Variants in AGMO observed in about 807,000 individuals in gnomAD.
AGMO encodes the protein alkylglycerol monooxygenase.
A neutral mutation model predicts 60.2 loss-of-function variants in AGMO; 75 were observed. The observed-to-expected ratio is 1.25, with a 90% CI of 1.03 to 1.51. The LOEUF (loss-of-function observed/expected upper bound fraction) is 1.51. Ranked by LOEUF, AGMO falls within the 40% of genes most tolerant of loss-of-function variation. The probability of loss-of-function intolerance (pLI) is 0.00; values close to 1 mark genes in which losing one functional copy is unlikely to be tolerated. For missense variants in AGMO, 763 were observed against 525.5 expected, an observed-to-expected ratio of 1.45 and a Z score of -4.42; for synonymous variants, 261 against 177.1, an observed-to-expected ratio of 1.47 and a Z score of -3.76.
chr7:15,367,381 G>A (rs1323059095), intron 10 of AGMO, among the ~76,000 whole-genome samples: 2 of 151,796 alleles, frequency 1.3e-5, no homozygotes, highest in Non-Finnish European at 2.9e-5. Flanking sequence ...CAGCTTCTAT[G>A]GCATGTGTTT....
chr7:15,313,873 T>A lies in AGMO; in HGVS notation c.1263+51641A>T, dbSNP rs192934588. 4.6e-5 allele frequency among the ~76,000 whole-genome samples: 7 copies of A among 151,624 alleles called. No homozygotes were observed. The East Asian group carries it at 1.4e-3, about 29-fold the overall frequency. Reference sequence around the variant, plus strand: ...TAATAAAAGTTATGCAGATGGGGTCTCTCTCTCTCTCTCAAAATACCTTGC... The same window carrying A: ...TAATAAAAGTTATGCAGATGGGGTCACTCTCTCTCTCTCAAAATACCTTGC... On this transcript the variant is annotated intron_variant, in intron 12 of 12. Coordinates refer to ENST00000342526, the MANE Select transcript of AGMO (RefSeq NM_001004320.2).
intron 12 of AGMO, among the ~76,000 whole-genome samples, chr7:15,328,050 G>C (rs1781398621): frequency 6.6e-6 from 1 of 151,726 alleles, no homozygotes; most frequent in African/African-American, 2.4e-5. Flanking sequence ...TGCTGGGATT[G>C]CAGGTATGAG....
At position 15,295,147 on chromosome 7, in the gene AGMO, A is replaced by G. The variant is rs573558044; in HGVS notation, c.1263+70367T>C. ...ATATACATATAAAATTAATAGCTAC[A>G]CAAACTATGAAAATATTTTTAGAAT... is the stretch of plus-strand genomic sequence containing the variant. On this transcript the variant is annotated intron_variant, in intron 12 of 12. Coordinates refer to ENST00000342526, the MANE Select transcript of AGMO (RefSeq NM_001004320.2). Among the ~76,000 whole-genome samples the G allele has an allele frequency of 2.3e-3, 351 of 152,080 alleles. 1 individual carries two copies. Among genetic ancestry groups the G allele is most frequent in the African/African-American group, 7.7e-3 (320 of 41,554 alleles).
chr7:15,223,454 TTA>T (rs2128497550), intron 12 of AGMO, among the ~76,000 whole-genome samples: 1 of 152,104 alleles, frequency 6.6e-6, no homozygotes, highest in South Asian at 2.1e-4. Context: ...TGAACATTTG[TTA>T]AAGATTCTAT....
At chr7:15,132,454 C>T in the AGMO span, among the ~76,000 whole-genome samples, 4 of 151,958 alleles carry the variant, frequency 2.6e-5, no homozygotes, top group Non-Finnish European at 4.4e-5. Context: ...GTGAAGGTGT[C>T]TCTGAGGGGA....
At position 15,365,627 on chromosome 7, in the gene AGMO, A is replaced by C. The variant is rs746639163; in HGVS notation, c.1158-8T>G. 1 of 1,595,720 alleles carries C rather than the reference A, an allele frequency of 6.3e-7. No individual in the cohort carries two copies. Among genetic ancestry groups the C allele is most frequent in the East Asian group, 2.2e-5 (1 of 44,724 alleles). ...ATAATAGCTGCCTTGGGTCTGAAAT[A>C]AAATGTCATTAACATGCATTAGCTT... On this transcript the variant is annotated splice_region_variant and splice_polypyrimidine_tract_variant and intron_variant, in intron 11 of 12. Transcript: ENST00000342526.
intron 12 of AGMO, among the ~76,000 whole-genome samples, chr7:15,258,053 G>T (rs1783152938): frequency 6.6e-6 from 1 of 152,194 alleles, no homozygotes; most frequent in East Asian, 1.9e-4. Flanking sequence ...CTTCATTAGA[G>T]CGATAACATT....
chr7:15,222,354 T>C (rs1019417123), intron 12 of AGMO, among the ~76,000 whole-genome samples: 1 of 152,078 alleles, frequency 6.6e-6, no homozygotes, highest in African/African-American at 2.4e-5. Flanking sequence ...TAGAGCCTGA[T>C]GAACAGCAAA....
At chr7:15,457,481 A>C (rs1782029225) in intron 3 of AGMO, among the ~76,000 whole-genome samples, 1 of 152,206 alleles carries the variant, frequency 6.6e-6, no homozygotes, top group Non-Finnish European at 1.5e-5. Flanking sequence ...CTGTGAATTC[A>C]AAATTTTACT....
the AGMO span, among the ~76,000 whole-genome samples, chr7:15,180,947 G>T: frequency 6.6e-6 from 1 of 152,104 alleles, no homozygotes; most frequent in Non-Finnish European, 1.5e-5. Flanking sequence ...AGGCTCACAA[G>T]CAAGGGATAC....
intron 12 of AGMO, among the ~76,000 whole-genome samples, chr7:15,225,451 T>C (rs1348152713): frequency 1.3e-5 from 2 of 151,990 alleles, no homozygotes; most frequent in African/African-American, 4.8e-5. Flanking sequence ...TTTAAAATTA[T>C]AGTATAATTT....
At chr7:15,367,837 T>C (rs1783045817) in intron 10 of AGMO, among the ~76,000 whole-genome samples, 1 of 152,090 alleles carries the variant, frequency 6.6e-6, no homozygotes, top group Admixed American at 6.6e-5. Context: ...AAGCACTCTT[T>C]CCTTTGTTTC....
At chr7:15,375,882 G>C (rs1292110381) in intron 10 of AGMO, among the ~76,000 whole-genome samples, 1 of 152,062 alleles carries the variant, frequency 6.6e-6, no homozygotes, top group Non-Finnish European at 1.5e-5. Context: ...TAAAGAAGCT[G>C]CCTGATCCTC....
chr7:15,427,357 T>A (rs1412913349), intron 4 of AGMO, among the ~76,000 whole-genome samples: 1 of 152,208 alleles, frequency 6.6e-6, no homozygotes, highest in Non-Finnish European at 1.5e-5. Flanking sequence ...CTGTATCCTT[T>A]ACTTGCTTTC....
chr7:15,195,829 T>G (rs1217542871), downstream of AGMO, among the ~76,000 whole-genome samples: 1 of 152,196 alleles, frequency 6.6e-6, no homozygotes, highest in African/African-American at 2.4e-5. Context: ...TTAACTCCTG[T>G]ATCATTACCA....
intron 12 of AGMO, among the ~76,000 whole-genome samples, chr7:15,296,014 TTTC>T (rs1480759783): frequency 1.1e-4 from 16 of 152,268 alleles, no homozygotes; most frequent in South Asian, 4.1e-4. Context: ...TATATAAAAT[TTTC>T]TTCAATTATG....
At chr7:15,515,324 T>C (rs1247092877) in intron 3 of AGMO, among the ~76,000 whole-genome samples, 3 of 152,200 alleles carry the variant, frequency 2.0e-5, no homozygotes, top group African/African-American at 7.2e-5. Context: ...TCATCATACT[T>C]TTACTTTGGA....
In AGMO at chr7:15,531,562, TCTATATATTCC is replaced by T. The variant is rs1333077004; in HGVS notation, c.409+13199_409+13209del. ...CTATATATATTCTATATATATATTC[TCTATATATTCC>T]ATATATATATTCTATATATATTCTA... On this transcript the variant is annotated intron_variant, in intron 3 of 12. Transcript: ENST00000342526. Among the ~76,000 whole-genome samples, 17 of 100,242 alleles carry T rather than the reference TCTATATATTCC, an allele frequency of 1.7e-4. 1 individual carries two copies. Among genetic ancestry groups the T allele is most frequent in the South Asian group, 3.0e-4 (1 of 3,294 alleles). 65.8% of individuals were successfully genotyped at this position (100,242 alleles called of 152,430 possible). A position where few individuals can be genotyped will look rare whatever the true frequency, so the allele number is the denominator to read the frequency against.
chr7:15,134,276 C>T, the AGMO span, among the ~76,000 whole-genome samples: 1 of 152,158 alleles, frequency 6.6e-6, no homozygotes, highest in Non-Finnish European at 1.5e-5. Context: ...GATCCTCCCA[C>T]TTTAGCCTCC....
Sources: gnomAD v4.1 joint callset for allele counts (sites outside exome capture counted in the v4.1 genomes callset) on GRCh38, gnomAD v4.1.1 for gene constraint, MANE v1.5 for transcripts, NCBI Gene and HGNC (gene_info 2026-07-23, HGNC 2026-07-21) for gene names.